Variants in PLCG2 observed in about 807,000 individuals in gnomAD.
PLCG2 encodes phospholipase C gamma 2.
PLCG2 carries 69 observed loss-of-function variants against 175.6 expected under a neutral mutation model. The ratio of observed to expected loss-of-function variants is 0.39; its 90% CI spans 0.32 to 0.48. The LOEUF (loss-of-function observed/expected upper bound fraction) is 0.48. PLCG2 is among the 20% of genes least tolerant of loss of function. The pLI, the probability that PLCG2 is intolerant of heterozygous loss-of-function variation, is 0.91. For synonymous variants in PLCG2, 827 were observed against 624.0 expected, an observed-to-expected ratio of 1.33 and a Z score of -4.85; for missense variants, 1,798 against 1,650.9, an observed-to-expected ratio of 1.09 and a Z score of -1.54.
At chr16:81,846,232 C>T (rs1275099856) in intron 2 of PLCG2, among the ~76,000 whole-genome samples, 2 of 58,056 alleles carry the variant, frequency 3.4e-5, no homozygotes, top group Non-Finnish European at 1.1e-4. Flanking sequence ...GCAGGGAGGA[C>T]AAGAGGACTG....
chr16:81,960,668 G>C lies in PLCG2; in HGVS notation c.*2670G>C, dbSNP rs2143790393. ...TGTCTCATGGGACTTATCTATAGTGGAACACATTTGAAGACCTACTGCTCT... is the reference window on the plus strand; with the variant it reads ...TGTCTCATGGGACTTATCTATAGTGCAACACATTTGAAGACCTACTGCTCT... On this transcript the variant is annotated 3_prime_UTR_variant, in exon 33 of 33. Transcript: ENST00000564138. 1 of 230,610 alleles carries C rather than the reference G, an allele frequency of 4.3e-6. No individual in the cohort carries two copies. 14.3% of individuals were successfully genotyped at this position (230,610 alleles called of 1,614,324 possible).
rs562456701 is a variant in PLCG2 at position 81,891,052 on chromosome 16, G to A, written c.868-420G>A. 2.3e-3 allele frequency among the ~76,000 whole-genome samples: 351 copies of A among 152,120 alleles called. 1 individual carries two copies. The highest frequency in any genetic ancestry group is 8.1e-3 in the African/African-American group (336 of 41,486). On this transcript the variant is annotated intron_variant, in intron 10 of 32. Transcript: ENST00000564138. Reference sequence around the variant, plus strand: ...GTGGTGCACGCCTGTTATCCTAGCTGCTTGGGAGGTTGAGGCAGGAGAATC... The same window carrying A: ...GTGGTGCACGCCTGTTATCCTAGCTACTTGGGAGGTTGAGGCAGGAGAATC...
intron 2 of PLCG2, among the ~76,000 whole-genome samples, chr16:81,833,625 G>A (rs1905364422): frequency 6.6e-6 from 1 of 151,596 alleles, no homozygotes; most frequent in African/African-American, 2.4e-5. Context: ...CACCTCCTAG[G>A]ATCAAGAAAT....
intron 18 of PLCG2, among the ~76,000 whole-genome samples, chr16:81,912,043 C>G (rs552808744): frequency 6.6e-6 from 1 of 152,060 alleles, no homozygotes; most frequent in Admixed American, 6.5e-5. Context: ...ATGATCCACC[C>G]GCCTCAACCT....
intron 19 of PLCG2, 133 bp downstream of exon 19, chr16:81,912,849 C>T (rs1909690533): frequency 3.5e-6 from 4 of 1,139,790 alleles, no homozygotes; most frequent in Non-Finnish European, 4.8e-6. Context: ...ACAACAACAA[C>T]CACCACAGCA....
intron 2 of PLCG2, among the ~76,000 whole-genome samples, chr16:81,827,329 G>A (rs142172570): frequency 2.0e-5 from 3 of 151,942 alleles, no homozygotes; most frequent in South Asian, 2.1e-4. Flanking sequence ...GACCACAGGT[G>A]TATGCTCCCA....
At chr16:81,803,760 C>T (rs1490129438) in intron 2 of PLCG2, among the ~76,000 whole-genome samples, 1 of 150,234 alleles carries the variant, frequency 6.7e-6, no homozygotes, top group Non-Finnish European at 1.5e-5. Flanking sequence ...TGGTTCACTG[C>T]ATCCTCTACC....
At chr16:81,884,424 C>G (rs1908253331) in intron 9 of PLCG2, among the ~76,000 whole-genome samples, 1 of 152,120 alleles carries the variant, frequency 6.6e-6, no homozygotes, top group African/African-American at 2.4e-5. Flanking sequence ...CACCAAGTAC[C>G]TACAGTGCTG....
At chr16:81,776,955 G>A (rs547338048), upstream of PLCG2, among the ~76,000 whole-genome samples, 1 of 152,308 alleles carries the variant, frequency 6.6e-6, no homozygotes, top group Admixed American at 6.5e-5. Flanking sequence ...CGTTCACCTG[G>A]GGGGTGGGGT....
intron 2 of PLCG2, among the ~76,000 whole-genome samples, chr16:81,806,834 C>A: frequency 6.6e-6 from 1 of 151,332 alleles, no homozygotes; most frequent in East Asian, 1.9e-4. Flanking sequence ...ACAAAGCCTT[C>A]GAGGTGGGGC....
At chr16:81,897,412 G>T (rs983373019) in intron 13 of PLCG2, among the ~76,000 whole-genome samples, 2 of 152,178 alleles carry the variant, frequency 1.3e-5, no homozygotes, top group African/African-American at 2.4e-5. Context: ...TGATAACTGT[G>T]TGCACCTCAC....
At chr16:81,854,774 G>T (rs1906598850) in intron 3 of PLCG2, among the ~76,000 whole-genome samples, 187 bp downstream of exon 3, 1 of 152,170 alleles carries the variant, frequency 6.6e-6, no homozygotes. Flanking sequence ...TCTCTGAGCT[G>T]CAGTTTGCTC....
intron 2 of PLCG2, among the ~76,000 whole-genome samples, chr16:81,841,777 G>C (rs1905846066): frequency 6.6e-6 from 1 of 152,156 alleles, no homozygotes; most frequent in African/African-American, 2.4e-5. Context: ...TTCTTCTGCT[G>C]TGTATCTCAC....
At chr16:81,808,643 G>A (rs182990027) in intron 2 of PLCG2, among the ~76,000 whole-genome samples, 870 of 150,110 alleles carry the variant, frequency 5.8e-3, no homozygotes, top group African/African-American at 0.021. Context: ...ACAGGTGCCC[G>A]CCACCACGCC....
At chr16:81,869,110 C>A (rs930134642) in intron 5 of PLCG2, 104 bp from the exon 6 acceptor site, 3 of 773,314 alleles carry the variant, frequency 3.9e-6, no homozygotes, top group Non-Finnish European at 6.8e-6. Flanking sequence ...GTTGACCAGG[C>A]TCTCTCATAG....
intron 2 of PLCG2, among the ~76,000 whole-genome samples, chr16:81,835,809 C>G (rs1167116769): frequency 1.3e-5 from 2 of 152,014 alleles, no homozygotes; most frequent in African/African-American, 4.8e-5. Context: ...AGGATCCTTC[C>G]TCTCCTCTTC....
At chr16:81,808,885 A>T (rs1215123499) in intron 2 of PLCG2, among the ~76,000 whole-genome samples, 1 of 152,132 alleles carries the variant, frequency 6.6e-6, no homozygotes, top group Non-Finnish European at 1.5e-5. Flanking sequence ...AGCATGCTGG[A>T]GGGGCTCCCA....
intron 8 of PLCG2, 94 bp from the exon 9 acceptor site, chr16:81,883,175 C>A: frequency 9.4e-7 from 1 of 1,067,908 alleles, no homozygotes; most frequent in Non-Finnish European, 1.5e-6. Context: ...GTGGGGCGTT[C>A]TGGGTGGCAG....
chr16:81,874,575 G>A (rs1366328027), intron 7 of PLCG2, among the ~76,000 whole-genome samples: 7 of 152,184 alleles, frequency 4.6e-5, no homozygotes, highest in Admixed American at 4.6e-4. Flanking sequence ...AAAAGTACCT[G>A]TTTTGTGATT....
Sources: gnomAD v4.1 joint callset for allele counts (sites outside exome capture counted in the v4.1 genomes callset) on GRCh38, gnomAD v4.1.1 for gene constraint, MANE v1.5 for transcripts, NCBI Gene and HGNC (gene_info 2026-07-23, HGNC 2026-07-21) for gene names.